GRID1: variants seen among roughly 807,000 people sequenced by gnomAD.
GRID1 encodes the protein glutamate ionotropic receptor delta type subunit 1.
A neutral mutation model predicts 98.0 loss-of-function variants in GRID1; 28 were observed. That is an observed-to-expected ratio of 0.29 (90% CI 0.21 to 0.39). The LOEUF is 0.39. Ranked by LOEUF, GRID1 falls within the 10% of genes least tolerant of loss-of-function variation. The pLI is 1.00. For missense variants in GRID1, 1,111 were observed against 1,340.5 expected (o/e 0.83, Z 2.67); for synonymous variants, 553 against 538.5 (o/e 1.03, Z -0.37).
chr10:85,670,470 G>T (rs1841072388), intron 12 of GRID1, among the ~76,000 whole-genome samples: 2 of 152,178 alleles, frequency 1.3e-5, no homozygotes, highest in Non-Finnish European at 2.9e-5. Flanking sequence ...GACCAGGGAA[G>T]AAAGATACCT....
chr10:86,365,554 CG>C lies in GRID1; in HGVS notation c.79+759del, dbSNP rs1391998728. 6.6e-6 allele frequency among the ~76,000 whole-genome samples: 1 copy of C among 152,020 alleles called. No homozygotes were observed. The highest frequency in any genetic ancestry group is 2.4e-5 in the African/African-American group (1 of 41,382). On this transcript the variant is annotated intron_variant, in intron 1 of 15. Coordinates refer to ENST00000327946, the MANE Select transcript of GRID1 (RefSeq NM_017551.3). The surrounding 1 kb of genome is among the most constrained non-coding windows in gnomAD (Gnocchi z 4.8). The stretch of plus-strand genomic sequence containing the variant: ...TCCCGCTCAGCATCCCCCTACCCCC[CG>C]CTGCCCACGCTTCTTCCCTCGGCTC...
At chr10:86,312,081 C>T (rs1222374993) in intron 2 of GRID1, among the ~76,000 whole-genome samples, 4 of 152,236 alleles carry the variant, frequency 2.6e-5, no homozygotes, top group Admixed American at 6.5e-5. Context: ...ACCGCACAGG[C>T]TCTTTCTGCT....
chr10:86,043,099 G>C (rs2098412627), intron 4 of GRID1, among the ~76,000 whole-genome samples: 1 of 151,942 alleles, frequency 6.6e-6, no homozygotes, highest in Non-Finnish European at 1.5e-5. Flanking sequence ...CAAAAAAAAA[G>C]AAAGTGTCTA....
chr10:86,328,660 C>T (rs1236575647), intron 2 of GRID1, among the ~76,000 whole-genome samples: 1 of 152,232 alleles, frequency 6.6e-6, no homozygotes, highest in African/African-American at 2.4e-5. Context: ...TGGTGCCCCA[C>T]TCTCCATTAA....
intron 2 of GRID1, among the ~76,000 whole-genome samples, chr10:86,324,835 TA>T (rs1221075461): frequency 6.6e-6 from 1 of 151,890 alleles, no homozygotes; most frequent in African/African-American, 2.4e-5. Context: ...CATAACTTTT[TA>T]CAAAAGATAC....
intron 3 of GRID1, among the ~76,000 whole-genome samples, chr10:86,145,374 C>T (rs1023409495): frequency 4.6e-5 from 7 of 152,186 alleles, no homozygotes; most frequent in African/African-American, 1.7e-4. Flanking sequence ...AGACACCCGC[C>T]ACCACGCCCG....
At chr10:85,963,232 T>G (rs910716512) in intron 4 of GRID1, among the ~76,000 whole-genome samples, 1 of 152,204 alleles carries the variant, frequency 6.6e-6, no homozygotes, top group Non-Finnish European at 1.5e-5. Flanking sequence ...CTTCTGACCT[T>G]TCTTTCATAT....
intron 3 of GRID1, among the ~76,000 whole-genome samples, chr10:86,156,815 A>G (rs1190774860): frequency 2.0e-5 from 3 of 152,244 alleles, no homozygotes; most frequent in East Asian, 3.8e-4. Flanking sequence ...ACCCTCAGAT[A>G]GGAGGGATAC....
intron 4 of GRID1, among the ~76,000 whole-genome samples, chr10:86,054,688 T>C (rs923937589): frequency 2.6e-5 from 4 of 152,168 alleles, no homozygotes; most frequent in African/African-American, 9.7e-5. Flanking sequence ...CTTAATGTGT[T>C]TTCACTATCA....
At position 86,206,279 on chromosome 10, in the gene GRID1, C is replaced by T; in HGVS notation, c.520+85G>A. 1 of 1,380,328 alleles carries T rather than the reference C, an allele frequency of 7.2e-7. No individual in the cohort carries two copies. The highest frequency in any genetic ancestry group is 1.3e-5 in the South Asian group (1 of 74,740). The allele number at this position is 1,380,328 out of a possible 1,614,324, so 85.5% of individuals were successfully genotyped here. On this transcript the variant is annotated intron_variant, in intron 3 of 15. Transcript: ENST00000327946. This position sits in a 1 kb window ranked among gnomAD's most constrained non-coding sequence, Gnocchi z 4.1. ...TCAGCACAGACCACCCCTGACCGGT[C>T]CAGGGCCCCACCCACTCTCAGGTCT...
chr10:86,129,426 C>T (rs925810979), intron 4 of GRID1, among the ~76,000 whole-genome samples: 4 of 152,202 alleles, frequency 2.6e-5, no homozygotes, highest in African/African-American at 9.7e-5. Context: ...CATAGCCCAG[C>T]TCTGTCATTT....
intron 13 of GRID1, among the ~76,000 whole-genome samples, chr10:85,628,834 C>T (rs1274147831): frequency 6.6e-6 from 1 of 152,084 alleles, no homozygotes; most frequent in Non-Finnish European, 1.5e-5. Flanking sequence ...TGGCTGCAGC[C>T]CAGAGTGAAT....
intron 12 of GRID1, among the ~76,000 whole-genome samples, chr10:85,689,377 A>G (rs1431697431): frequency 1.3e-5 from 2 of 152,168 alleles, no homozygotes; most frequent in Non-Finnish European, 2.9e-5. Context: ...TAGAGAAAAC[A>G]GGATAAATTG....
At chr10:86,231,526 A>C (rs1846452770) in intron 2 of GRID1, among the ~76,000 whole-genome samples, 1 of 152,158 alleles carries the variant, frequency 6.6e-6, no homozygotes, top group Non-Finnish European at 1.5e-5. Context: ...CCTACTGTCA[A>C]CCATTCTCTC....
At chr10:86,178,377 G>C (rs373658381) in intron 3 of GRID1, among the ~76,000 whole-genome samples, 2 of 152,154 alleles carry the variant, frequency 1.3e-5, no homozygotes, top group East Asian at 1.9e-4. Context: ...AGGACAGGGG[G>C]AGAAGAAGCA....
chr10:85,613,497 G>C lies in GRID1; in HGVS notation c.2511C>G (p.Ile837Met). The change falls in exon 15 of 16, where the codon ATC becomes ATG. Residue 837 changes from isoleucine (I) to methionine (M), a missense_variant. Around this residue, in one of 3 missense-constraint regions of GRID1, gnomAD observed 762 missense variants for 869.1 expected, o/e 0.88. Coordinates refer to ENST00000327946, the MANE Select transcript of GRID1 (RefSeq NM_017551.3). ...AGGCCAGGAGCAGGCCAATGGCCAG[G>C]ATGCAGAAGACCCCGGCGAAGCTGT... ...KLHSFAGVFCILAIGLLLACL... is the reference protein window; with the variant it reads ...KLHSFAGVFCMLAIGLLLACL... The C allele has an allele frequency of 9.9e-6, 16 of 1,614,158 alleles. No homozygotes were observed. Among genetic ancestry groups the C allele is most frequent in the Non-Finnish European group, 1.4e-5 (16 of 1,180,038 alleles).
chr10:86,135,855 C>T (rs1037791951), intron 4 of GRID1, among the ~76,000 whole-genome samples: 2 of 152,250 alleles, frequency 1.3e-5, no homozygotes, highest in Admixed American at 1.3e-4. Context: ...CTCCGTCTTC[C>T]TCACTCACTC....
rs754348456 is a variant in GRID1, at chr10:86,327,733, G to A, written c.235+36208C>T. 5.3e-4 allele frequency among the ~76,000 whole-genome samples: 80 copies of A among 152,350 alleles called. 1 individual carries two copies. Among genetic ancestry groups the A allele is most frequent in the Non-Finnish European group, 8.4e-4 (57 of 68,034 alleles). On this transcript the variant is annotated intron_variant, in intron 2 of 15. Coordinates refer to ENST00000327946, the MANE Select transcript of GRID1 (RefSeq NM_017551.3). ...AATAACAATGAGGTACCGCCTATCAGCCATTGGACTGACAAAAATTAAGAC... is the reference window on the plus strand; with the variant it reads ...AATAACAATGAGGTACCGCCTATCAACCATTGGACTGACAAAAATTAAGAC...
chr10:86,275,142 C>G (rs1222661937), intron 2 of GRID1, among the ~76,000 whole-genome samples: 1 of 152,046 alleles, frequency 6.6e-6, no homozygotes, highest in Non-Finnish European at 1.5e-5. Flanking sequence ...TCATGGCATT[C>G]AAGGAATTAT....
Sources: gnomAD v4.1 joint callset for allele counts (sites outside exome capture counted in the v4.1 genomes callset) on GRCh38, gnomAD v4.1.1 for gene constraint, gnomAD v4.1.1 regional missense constraint, Gnocchi (gnomAD v3.1) non-coding constraint, MANE v1.5 for transcripts, NCBI Gene and HGNC (gene_info 2026-07-23, HGNC 2026-07-21) for gene names.